Variants in TCF12 observed in about 807,000 individuals in gnomAD.
TCF12 encodes transcription factor 12.
Under a neutral mutation model 86.0 loss-of-function variants are expected in TCF12, and 45 were observed. The ratio of observed to expected loss-of-function variants is 0.52; its 90% CI spans 0.41 to 0.67. The LOEUF (loss-of-function observed/expected upper bound fraction) is 0.67. Among genes scored for constraint, TCF12 ranks in the 30% least tolerant of loss-of-function variants. TCF12 has a pLI of 0.00. For missense variants in TCF12, 881 were observed against 859.9 expected (o/e 1.02, Z -0.31); for synonymous variants, 330 against 299.6 (o/e 1.10, Z -1.05).
chr15:57,028,601 A>G (rs1161309141), intron 3 of TCF12, among the ~76,000 whole-genome samples: 1 of 152,142 alleles, frequency 6.6e-6, no homozygotes, highest in Non-Finnish European at 1.5e-5. Context: ...TTTGTCAGTT[A>G]TACGTAATAT....
Position 57,286,738 on chromosome 15 carries a change from G to A in TCF12, c.*593G>A, listed in dbSNP as rs1031776617. The A allele has an allele frequency of 6.9e-6, 3 of 432,380 alleles. No individual in the cohort carries two copies. Among genetic ancestry groups the A allele is most frequent in the African/African-American group, 4.1e-5 (2 of 48,584 alleles). The allele number at this position is 432,380 out of a possible 1,614,324, so 26.8% of individuals were successfully genotyped here. ...CCTATCCTCTTGCCATATGAATAGC[G>A]TTTTCCATGAAATAGGAAAATATTA... On this transcript the variant is annotated 3_prime_UTR_variant, in exon 21 of 21. Transcript: ENST00000333725.
At chr15:57,189,467 C>T (rs745802806) in intron 6 of TCF12, among the ~76,000 whole-genome samples, 3 of 152,138 alleles carry the variant, frequency 2.0e-5, no homozygotes, top group Non-Finnish European at 4.4e-5. Context: ...TTCTAGTGTA[C>T]ATCAAGCCCA....
intron 5 of TCF12, among the ~76,000 whole-genome samples, chr15:57,164,850 T>A (rs1187204476): frequency 1.3e-5 from 2 of 151,970 alleles, no homozygotes; most frequent in South Asian, 2.1e-4. Context: ...TTGGCTAATT[T>A]TTGTATTTAT....
At chr15:57,039,415 G>A (rs1739469626) in intron 3 of TCF12, among the ~76,000 whole-genome samples, 1 of 152,030 alleles carries the variant, frequency 6.6e-6, no homozygotes, top group Admixed American at 6.5e-5. Flanking sequence ...ATTGTCATTT[G>A]TATACCCAGG....
chr15:56,939,225 A>G (rs1291143310), intron 3 of TCF12, among the ~76,000 whole-genome samples: 2 of 152,240 alleles, frequency 1.3e-5, no homozygotes, highest in African/African-American at 4.8e-5. Flanking sequence ...CATTGTATAC[A>G]AATGTATACA....
intron 3 of TCF12, among the ~76,000 whole-genome samples, chr15:57,029,133 G>A (rs78342723): frequency 0.041 from 6,255 of 151,988 alleles, 356 homozygotes; most frequent in African/African-American, 0.13. Flanking sequence ...ATTAATTTTC[G>A]TTTACATTGT....
chr15:56,960,801 A>G (rs1227775324), intron 3 of TCF12, among the ~76,000 whole-genome samples: 1 of 152,106 alleles, frequency 6.6e-6, no homozygotes, highest in Non-Finnish European at 1.5e-5. Flanking sequence ...GATTCTTTTA[A>G]AAATTAATAT....
chr15:57,078,092 G>A (rs1017772407), intron 4 of TCF12, among the ~76,000 whole-genome samples: 4 of 152,178 alleles, frequency 2.6e-5, no homozygotes, highest in African/African-American at 9.7e-5. Flanking sequence ...AATGACACCA[G>A]AGGTGCTTAT....
intron 5 of TCF12, among the ~76,000 whole-genome samples, chr15:57,096,860 A>G (rs533829108): frequency 1.3e-5 from 2 of 152,302 alleles, no homozygotes; most frequent in Middle Eastern, 3.4e-3. Context: ...TTGCTCAAGT[A>G]TATTACTGTC....
intron 8 of TCF12, among the ~76,000 whole-genome samples, chr15:57,213,799 T>C (rs2058217532): frequency 6.6e-6 from 1 of 152,206 alleles, no homozygotes; most frequent in South Asian, 2.1e-4. Flanking sequence ...ACAGATGATT[T>C]TGAATGATAG....
rs560620434 is a variant in TCF12 at position 57,079,413 on chromosome 15, T to C, written c.223-12376T>C. Among the ~76,000 whole-genome samples, 5 of 152,216 alleles carry C rather than the reference T, an allele frequency of 3.3e-5. No homozygotes were observed. In the South Asian group the frequency reaches 1.0e-3, roughly 32 times the overall value. ...AGAAGCATTAAAAAATCCATGAGAATTGCTGGCACTTCCACATCTCATGCT... is the reference window on the plus strand; with the variant it reads ...AGAAGCATTAAAAAATCCATGAGAACTGCTGGCACTTCCACATCTCATGCT... On this transcript the variant is annotated intron_variant, in intron 4 of 20. Coordinates refer to ENST00000333725, the MANE Select transcript of TCF12 (RefSeq NM_207037.2).
intron 3 of TCF12, among the ~76,000 whole-genome samples, chr15:57,000,933 T>G (rs545383248): frequency 6.6e-6 from 1 of 152,118 alleles, no homozygotes; most frequent in Admixed American, 6.5e-5. Context: ...TACAGCCATT[T>G]TTTTCCTAGA....
At chr15:57,057,776 A>G (rs1204974990) in intron 3 of TCF12, among the ~76,000 whole-genome samples, 3 of 152,198 alleles carry the variant, frequency 2.0e-5, no homozygotes, top group Admixed American at 1.3e-4. Flanking sequence ...TAGGAGGGGC[A>G]AGAAGAAGGG....
At chr15:57,097,364 C>CA (rs1415882200) in intron 5 of TCF12, among the ~76,000 whole-genome samples, 1 of 151,542 alleles carries the variant, frequency 6.6e-6, no homozygotes, top group East Asian at 1.9e-4. Context: ...CCTGTCTCTA[C>CA]AAAAAATAAA....
At chr15:57,274,107 C>A (rs941235437) in intron 19 of TCF12, among the ~76,000 whole-genome samples, 3 of 152,064 alleles carry the variant, frequency 2.0e-5, no homozygotes, top group South Asian at 2.1e-4. Context: ...TAGATGTGGC[C>A]CTAGGTTCCA....
chr15:56,932,121 G>C (rs1347724257), intron 3 of TCF12, among the ~76,000 whole-genome samples: 1 of 152,150 alleles, frequency 6.6e-6, no homozygotes, highest in Non-Finnish European at 1.5e-5. Flanking sequence ...TGCCAAATAA[G>C]TTATAATAGC....
chr15:56,921,801 C>T (rs1008228632), intron 3 of TCF12, among the ~76,000 whole-genome samples: 11 of 152,034 alleles, frequency 7.2e-5, no homozygotes, highest in African/African-American at 2.4e-4. Context: ...TCTTAAAATA[C>T]TGTGAGAATA....
At chr15:57,142,764 G>T (rs1256258613) in intron 5 of TCF12, among the ~76,000 whole-genome samples, 1 of 152,094 alleles carries the variant, frequency 6.6e-6, no homozygotes, top group African/African-American at 2.4e-5. Flanking sequence ...TCAATAATGG[G>T]ATAATTCAGA....
intron 8 of TCF12, among the ~76,000 whole-genome samples, chr15:57,229,330 G>A (rs1284720586): frequency 2.0e-5 from 3 of 151,878 alleles, no homozygotes; most frequent in East Asian, 1.9e-4. Context: ...AACCAGAAAA[G>A]TATGCTTATG....
Sources: allele counts gnomAD v4.1 joint callset (sites outside exome capture counted in the v4.1 genomes callset), GRCh38; gene constraint gnomAD v4.1.1; transcripts MANE v1.5; gene names NCBI Gene and HGNC (gene_info 2026-07-23, HGNC 2026-07-21).